The following PLB1 variants were observed in gnomAD, a reference collection of about 807,000 sequenced individuals.
PLB1 encodes the protein phospholipase B1.
PLB1 carries 242 observed loss-of-function variants against 227.4 expected under a neutral mutation model. The observed-to-expected ratio is 1.06, with a 90% confidence interval of 0.96 to 1.18. The LOEUF is 1.18. Among genes scored for constraint, PLB1 ranks in the 50% most tolerant of loss-of-function variants. The pLI, the probability that PLB1 is intolerant of heterozygous loss-of-function variation, is 0.00. For missense variants in PLB1, 1,858 were observed against 1,816.3 expected (o/e 1.02, Z -0.42); for synonymous variants, 757 against 682.2 (o/e 1.11, Z -1.71).
chr2:28,523,555 T>C (rs1226896656), intron 4 of PLB1, among the ~76,000 whole-genome samples: 2 of 152,036 alleles, frequency 1.3e-5, no homozygotes, highest in African/African-American at 4.8e-5. Context: ...ACGTGGAGTT[T>C]GCTGGGTTAG....
At chr2:28,522,506 T>C (rs1429995394) in intron 4 of PLB1, among the ~76,000 whole-genome samples, 3 of 152,184 alleles carry the variant, frequency 2.0e-5, no homozygotes, top group African/African-American at 7.2e-5. Context: ...CACCTGTGTG[T>C]CTGTGCACAC....
intron 4 of PLB1, among the ~76,000 whole-genome samples, chr2:28,521,898 C>T (rs952045533): frequency 6.6e-6 from 1 of 151,992 alleles, no homozygotes; most frequent in African/African-American, 2.4e-5. Flanking sequence ...CCCCACTCCG[C>T]CTCCCATGAT....
rs1167090165 is a variant in PLB1 at position 28,591,750 on chromosome 2, C to A, written c.2178C>A (p.His726Gln). The change falls in exon 31 of 58, where the codon CAC becomes CAA. Residue 726 changes from histidine to glutamine, a missense_variant. Coordinates refer to ENST00000327757, the MANE Select transcript of PLB1 (RefSeq NM_153021.5). ...GGGACAGAGCCCCTTCTGCCTTGCA[C>A]CCTACCTCAGGTAAGCCCCCTATGG... ...PCRDRAPSAL[H>Q]PTSVHALRPA... The A allele has an allele frequency of 4.3e-6, 7 of 1,613,772 alleles. No individual in the cohort carries two copies. The African/African-American group carries it at 9.3e-5, about 22-fold the overall frequency.
chr2:28,584,312 A>C (rs961235309), intron 25 of PLB1, among the ~76,000 whole-genome samples: 13 of 152,206 alleles, frequency 8.5e-5, no homozygotes, highest in African/African-American at 3.1e-4. Context: ...CCCAAACCGC[A>C]CAGGTCCCCT....
At chr2:28,614,585 T>C (rs1199921943) in intron 44 of PLB1, among the ~76,000 whole-genome samples, 2 of 152,182 alleles carry the variant, frequency 1.3e-5, no homozygotes, top group Non-Finnish European at 2.9e-5. Flanking sequence ...AGCCCATGGT[T>C]AATTCCATTG....
At chr2:28,611,445 G>T (rs948589438) in intron 43 of PLB1, among the ~76,000 whole-genome samples, 3 of 152,174 alleles carry the variant, frequency 2.0e-5, no homozygotes, top group Non-Finnish European at 4.4e-5. Flanking sequence ...GAATGCCACT[G>T]AGTCTTGTCT....
At chr2:28,642,786 T>G in intron 57 of PLB1, 72 bp from the exon 58 acceptor site, 1 of 1,317,428 alleles carries the variant, frequency 7.6e-7, no homozygotes, top group Non-Finnish European at 1.1e-6. Flanking sequence ...GAATGGGGAC[T>G]AGGCAAGTCT....
At chr2:28,595,925 G>C (rs1451657763) in intron 33 of PLB1, 1 of 152,178 alleles carries the variant, frequency 6.6e-6, no homozygotes, top group Non-Finnish European at 1.5e-5. Flanking sequence ...AGATTCTGTA[G>C]TGAACGGTTC....
At chr2:28,561,844 C>T (rs72861785) in intron 17 of PLB1, among the ~76,000 whole-genome samples, 36,725 of 152,076 alleles carry the variant, frequency 0.24, 4,728 homozygotes, top group East Asian at 0.52. Context: ...GCCATTATCA[C>T]GAGCCACTGC....
At chr2:28,626,931 T>TGGC (rs1478167036) in intron 51 of PLB1, among the ~76,000 whole-genome samples, 1 of 152,224 alleles carries the variant, frequency 6.6e-6, no homozygotes, top group Non-Finnish European at 1.5e-5. Flanking sequence ...ACCTCAGTGG[T>TGGC]GGCCCTGGGA....
chr2:28,602,613 C>A (rs902199228), intron 38 of PLB1, among the ~76,000 whole-genome samples: 2 of 152,230 alleles, frequency 1.3e-5, no homozygotes, highest in Admixed American at 6.5e-5. Context: ...GTGCCATTGC[C>A]GCTGCAGCCC....
chr2:28,598,431 G>A (rs1337078767), intron 34 of PLB1, among the ~76,000 whole-genome samples: 3 of 152,176 alleles, frequency 2.0e-5, no homozygotes, highest in African/African-American at 7.2e-5. Flanking sequence ...TAATACAAGA[G>A]TGAGAGGCTC....
At chr2:28,512,393 T>G (rs1668384644) in intron 1 of PLB1, among the ~76,000 whole-genome samples, 1 of 152,178 alleles carries the variant, frequency 6.6e-6, no homozygotes, top group African/African-American at 2.4e-5. Context: ...ATACATATAA[T>G]AGCTGCTTTG....
chr2:28,585,346 G>A (rs1010240552), intron 25 of PLB1, among the ~76,000 whole-genome samples: 6 of 151,954 alleles, frequency 3.9e-5, no homozygotes, highest in Non-Finnish European at 7.4e-5. Context: ...CACAATCTCG[G>A]CTCACTGCAA....
chr2:28,608,915 CT>C (rs150129499), intron 43 of PLB1, among the ~76,000 whole-genome samples: 7,281 of 151,848 alleles, frequency 0.048, 565 homozygotes, highest in African/African-American at 0.17. Flanking sequence ...ATTTTCTTTC[CT>C]TTTTCACTCA....
intron 21 of PLB1, among the ~76,000 whole-genome samples, chr2:28,574,727 C>T (rs1057129806): frequency 6.6e-6 from 1 of 152,038 alleles, no homozygotes; most frequent in Non-Finnish European, 1.5e-5. Flanking sequence ...TTTGCGTCCT[C>T]ATAGCTTTGC....
intron 56 of PLB1, among the ~76,000 whole-genome samples, chr2:28,635,089 G>A (rs1689138096): frequency 6.6e-6 from 1 of 152,100 alleles, no homozygotes; most frequent in Admixed American, 6.6e-5. Flanking sequence ...AACAAAACAA[G>A]ACTGTCCATG....
intron 23 of PLB1, 73 bp from the exon 24 acceptor site, chr2:28,581,995 A>G: frequency 7.1e-7 from 1 of 1,407,008 alleles, no homozygotes; most frequent in Non-Finnish European, 9.9e-7. Context: ...GGGACCCAAG[A>G]GAGAAAGTAG....
At chr2:28,538,940 C>T (rs1440700097) in intron 10 of PLB1, among the ~76,000 whole-genome samples, 159 bp from the exon 11 acceptor site, 2 of 152,076 alleles carry the variant, frequency 1.3e-5, no homozygotes, top group Non-Finnish European at 2.9e-5. Context: ...CGCAGACTGA[C>T]CCTGACCAAA....
Sources: gnomAD v4.1 joint callset for allele counts (sites outside exome capture counted in the v4.1 genomes callset) on GRCh38, gnomAD v4.1.1 for gene constraint, MANE v1.5 for transcripts, NCBI Gene and HGNC (gene_info 2026-07-23, HGNC 2026-07-21) for gene names.